CDH2: variants seen among roughly 807,000 people sequenced by gnomAD.
The protein encoded by CDH2 is cadherin-2.
CDH2 carries 17 observed loss-of-function variants against 92.0 expected under a neutral mutation model. The ratio of observed to expected loss-of-function variants is 0.18; its 90% CI spans 0.13 to 0.28. The LOEUF is 0.28. CDH2 is among the 10% of genes least tolerant of loss of function. The pLI, the probability that CDH2 is intolerant of heterozygous loss-of-function variation, is 1.00. For missense variants in CDH2, 862 were observed against 1,133.1 expected (o/e 0.76, Z 3.44); for synonymous variants, 419 against 415.9 (o/e 1.01, Z -0.09).
At chr18:28,064,166 T>A (rs1007746085) in intron 2 of CDH2, among the ~76,000 whole-genome samples, 2 of 152,006 alleles carry the variant, frequency 1.3e-5, no homozygotes, top group Admixed American at 6.6e-5. Flanking sequence ...GGAAAGAGAT[T>A]TTTCTCTCTT....
At chr18:28,045,628 T>A (rs937432761) in intron 2 of CDH2, 4 of 301,250 alleles carry the variant, frequency 1.3e-5, no homozygotes, top group Admixed American at 4.7e-5. Flanking sequence ...ACTCATCTTT[T>A]AAGGGTCATT....
intron 2 of CDH2, among the ~76,000 whole-genome samples, chr18:28,052,589 A>G (rs751861724): frequency 1.3e-5 from 2 of 152,218 alleles, no homozygotes; most frequent in Non-Finnish European, 2.9e-5. Flanking sequence ...TCAGTGTTAC[A>G]TGGGTACGTG....
intron 5 of CDH2, among the ~76,000 whole-genome samples, chr18:28,006,422 A>C (rs1427234474): frequency 6.6e-6 from 1 of 152,156 alleles, no homozygotes; most frequent in Non-Finnish European, 1.5e-5. Context: ...AAGGTAATTA[A>C]AAATGTGAAA....
chr18:27,939,282 G>A (rs891034749), intron 6 of CDH2, among the ~76,000 whole-genome samples: 4 of 152,108 alleles, frequency 2.6e-5, no homozygotes, highest in Non-Finnish European at 4.4e-5. Flanking sequence ...ATAGCCTGGG[G>A]TCTTGGTGTC....
chr18:27,983,392 C>G (rs556957796), intron 13 of CDH2, among the ~76,000 whole-genome samples: 2 of 152,292 alleles, frequency 1.3e-5, no homozygotes, highest in East Asian at 1.9e-4. Context: ...TCTATCTTCC[C>G]TTTGGCTTGC....
At chr18:28,047,725 C>T (rs1021438719) in intron 2 of CDH2, among the ~76,000 whole-genome samples, 8 of 151,694 alleles carry the variant, frequency 5.3e-5, no homozygotes, top group Admixed American at 3.9e-4. Flanking sequence ...AAAAATTAGC[C>T]GGGCGTGGTG....
chr18:28,108,503 T>C (rs570391434), intron 2 of CDH2, among the ~76,000 whole-genome samples: 3 of 152,278 alleles, frequency 2.0e-5, no homozygotes, highest in African/African-American at 7.2e-5. Context: ...CCTGACACAC[T>C]GGGGCTCAGC....
At chr18:28,049,668 T>G (rs1167760687) in intron 2 of CDH2, among the ~76,000 whole-genome samples, 1 of 152,240 alleles carries the variant, frequency 6.6e-6, no homozygotes, top group Admixed American at 6.5e-5. Context: ...CAAGGCCACA[T>G]GCACATTACA....
At chr18:28,112,020 C>A (rs926546412) in intron 2 of CDH2, among the ~76,000 whole-genome samples, 1 of 152,224 alleles carries the variant, frequency 6.6e-6, no homozygotes, top group African/African-American at 2.4e-5. Flanking sequence ...GAAGGACAGT[C>A]TGACCTTAGC....
chr18:28,161,660 T>G (rs961968623), intron 1 of CDH2, among the ~76,000 whole-genome samples: 5 of 151,128 alleles, frequency 3.3e-5, no homozygotes, highest in African/African-American at 1.2e-4. Flanking sequence ...TCCTGACAGA[T>G]GCCCATCTCG....
chr18:27,994,774 CA>C (rs1399743217), intron 7 of CDH2, among the ~76,000 whole-genome samples: 6 of 151,892 alleles, frequency 4.0e-5, no homozygotes, highest in Admixed American at 6.6e-5. Context: ...ATTTAGTTGT[CA>C]GGGGGAGGGG....
chr18:28,167,373 C>T (rs1256399546), intron 1 of CDH2, among the ~76,000 whole-genome samples: 2 of 151,920 alleles, frequency 1.3e-5, no homozygotes, highest in East Asian at 1.9e-4. Context: ...CCTTTAGCTG[C>T]AAAAAATGAT....
At chr18:28,036,236 T>C (rs1213102032) in intron 2 of CDH2, among the ~76,000 whole-genome samples, 1 of 152,158 alleles carries the variant, frequency 6.6e-6, no homozygotes, top group African/African-American at 2.4e-5. Flanking sequence ...ATACAGCTTT[T>C]GTAACATTCA....
At chr18:28,162,423 A>T (rs143996681) in intron 1 of CDH2, among the ~76,000 whole-genome samples, 23 of 152,132 alleles carry the variant, frequency 1.5e-4, no homozygotes, top group African/African-American at 5.3e-4. Flanking sequence ...GGAGAAAGAG[A>T]GTGATTCACA....
chr18:28,172,852 C>A (rs2016485070), intron 1 of CDH2, among the ~76,000 whole-genome samples: 1 of 152,090 alleles, frequency 6.6e-6, no homozygotes, highest in Admixed American at 6.5e-5. Flanking sequence ...AATCACTCTT[C>A]TAACTTCATA....
chr18:27,969,852 C>T (rs1327856970), intron 14 of CDH2, among the ~76,000 whole-genome samples: 1 of 152,016 alleles, frequency 6.6e-6, no homozygotes, highest in Non-Finnish European at 1.5e-5. Flanking sequence ...CCTGTCTCTA[C>T]TAAAAATACA....
At position 28,062,963 on chromosome 18, in the gene CDH2, ACT is replaced by A. The variant is rs1491175626; in HGVS notation, c.173-49056_173-49055del. On this transcript the variant is annotated intron_variant, in intron 2 of 15. Transcript: ENST00000269141. ...ACTCCAGCCTGGGTGACAGATCATG[ACT>A]CTGTCTCAGAAACACACATTTCATA... Among the ~76,000 whole-genome samples the A allele has an allele frequency of 7.6e-4, 115 of 152,072 alleles. No homozygotes were observed. In the Middle Eastern group the frequency reaches 0.014, roughly 18 times the overall value.
intron 9 of CDH2, among the ~76,000 whole-genome samples, chr18:27,990,709 A>G (rs558858816): frequency 1.6e-4 from 25 of 152,334 alleles, no homozygotes; most frequent in Non-Finnish European, 3.5e-4. Flanking sequence ...ATGATGGTCT[A>G]AATGTATACT....
At chr18:27,933,046 G>C (rs545482081) in exon 7 of CDH2, among the ~76,000 whole-genome samples, 2 of 152,224 alleles carry the variant, frequency 1.3e-5, no homozygotes, top group Admixed American at 6.5e-5. Context: ...CCAAAGGCAG[G>C]CATGATAGAT....
Sources: allele counts gnomAD v4.1 joint callset (sites outside exome capture counted in the v4.1 genomes callset), GRCh38; gene constraint gnomAD v4.1.1; transcripts MANE v1.5; gene names NCBI Gene and HGNC (gene_info 2026-07-23, HGNC 2026-07-21).